The following NCOR2 variants were observed in gnomAD, a reference collection of about 807,000 sequenced individuals.
NCOR2 encodes CTG repeat protein 26.
A neutral mutation model predicts 262.9 loss-of-function variants in NCOR2; 81 were observed. That is an observed-to-expected ratio of 0.31 (90% CI 0.26 to 0.37). The LOEUF is 0.37. Among genes scored for constraint, NCOR2 ranks in the 10% least tolerant of loss-of-function variants. The probability of loss-of-function intolerance (pLI) is 1.00; values close to 1 mark genes in which losing one functional copy is unlikely to be tolerated. For synonymous variants in NCOR2, 1,659 were observed against 1,559.3 expected (o/e 1.06, Z -1.51); for missense variants, 3,385 against 3,621.4 (o/e 0.93, Z 1.68).
upstream of NCOR2, among the ~76,000 whole-genome samples, chr12:124,496,514 C>T (rs1407011813): frequency 1.3e-5 from 2 of 152,092 alleles, no homozygotes; most frequent in African/African-American, 2.4e-5. The surrounding 1 kb of genome is among the most constrained non-coding windows in gnomAD (Gnocchi z 4.4). Context: ...CTGCACCACA[C>T]GAGGTCAGGG....
intron 28 of NCOR2, among the ~76,000 whole-genome samples, chr12:124,349,394 C>T (rs1047750954): frequency 7.9e-5 from 12 of 152,186 alleles, no homozygotes; most frequent in African/African-American, 9.7e-5. Flanking sequence ...GCCCACGGCC[C>T]GTGAGCTACT....
chr12:124,456,830 G>A lies in NCOR2; in HGVS notation c.762+276C>T, dbSNP rs144767534. Among the ~76,000 whole-genome samples the A allele has an allele frequency of 4.9e-3, 752 of 152,310 alleles. 3 individuals carry two copies. Among genetic ancestry groups the A allele is most frequent in the African/African-American group, 0.016 (678 of 41,566 alleles). On this transcript the variant is annotated intron_variant, in intron 6 of 46. Transcript: ENST00000405201. The stretch of plus-strand genomic sequence containing the variant: ...GTGTGACTCTCCTCACAGCCCGAGC[G>A]GCCGGGCTTCACGGTATGCACAGGA...
At chr12:124,326,064 T>C in intron 46 of NCOR2, 127 bp downstream of exon 48, 2 of 1,092,856 alleles carry the variant, frequency 1.8e-6, no homozygotes, top group Non-Finnish European at 2.4e-6. Context: ...TGGACAGCGT[T>C]TCCACAGAAC....
intron 38 of NCOR2, 33 bp from the exon 41 acceptor site, chr12:124,335,665 C>T (rs373027052): frequency 4.2e-5 from 66 of 1,572,610 alleles, no homozygotes; most frequent in South Asian, 1.5e-4. Flanking sequence ...AGTCAGGCAC[C>T]GGGCCCAGGG....
At chr12:124,437,095 T>TAATAAATA (rs142026848) in intron 8 of NCOR2, among the ~76,000 whole-genome samples, 3,542 of 151,478 alleles carry the variant, frequency 0.023, 55 homozygotes, top group Middle Eastern at 0.048. Context: ...CAAAAATAAA[T>TAATAAATA]AATAAATAAA....
chr12:124,381,043 G>A (rs965768765), intron 17 of NCOR2, among the ~76,000 whole-genome samples: 7 of 152,100 alleles, frequency 4.6e-5, no homozygotes, highest in Non-Finnish European at 1.0e-4. Flanking sequence ...CAGCTGCTCT[G>A]CAAATCAGCG....
intron 4 of NCOR2, 65 bp downstream of exon 6, chr12:124,472,887 C>T (rs867231096): frequency 7.3e-5 from 116 of 1,598,644 alleles, no homozygotes; most frequent in Middle Eastern, 6.6e-4. Flanking sequence ...TCTGTGACAC[C>T]GCTGTCACTG....
chr12:124,362,316 AGTG>A lies in NCOR2; in HGVS notation c.2929-22_2929-20del. On this transcript the variant is annotated intron_variant, in intron 21 of 46. Coordinates refer to ENST00000405201, the Ensembl canonical transcript of NCOR2. Reference sequence around the variant, plus strand: ...TGACCTGCTGAGGGAAGCAGGCAGAAGTGAGCATTCACAGAGGGTGTCTGAAAG... The same window carrying A: ...TGACCTGCTGAGGGAAGCAGGCAGAAAGCATTCACAGAGGGTGTCTGAAAG... 7.5e-7 allele frequency: 1 copy of A among 1,335,948 alleles called. No individual in the cohort carries two copies. The highest frequency in any genetic ancestry group is 9.6e-7 in the Non-Finnish European group (1 of 1,043,856). The allele number at this position is 1,335,948 out of a possible 1,614,324, so 82.8% of individuals were successfully genotyped here.
chr12:124,560,588 C>T (rs560045758), intron 1 of NCOR2, among the ~76,000 whole-genome samples: 64 of 152,258 alleles, frequency 4.2e-4, no homozygotes, highest in African/African-American at 1.4e-3. Flanking sequence ...GTGACTATGA[C>T]GGCGAAAATC....
intron 7 of NCOR2, among the ~76,000 whole-genome samples, chr12:124,442,930 G>T (rs191229467): frequency 1.3e-5 from 2 of 152,322 alleles, no homozygotes; most frequent in African/African-American, 4.8e-5. Flanking sequence ...AACACCACAC[G>T]AATACAAAAG....
intron 1 of NCOR2, among the ~76,000 whole-genome samples, chr12:124,527,282 C>G (rs892001285): frequency 2.0e-5 from 3 of 152,220 alleles, no homozygotes; most frequent in Non-Finnish European, 2.9e-5. Context: ...GGGCAGATGA[C>G]TTGAGTGCAA....
intron 1 of NCOR2, among the ~76,000 whole-genome samples, chr12:124,521,653 T>C (rs1177134269): frequency 1.3e-5 from 2 of 152,172 alleles, no homozygotes; most frequent in Non-Finnish European, 2.9e-5. Flanking sequence ...TTTGGGGTGA[T>C]GAGGACATTT....
intron 5 of NCOR2, among the ~76,000 whole-genome samples, chr12:124,458,150 G>A (rs2045978631): frequency 6.6e-6 from 1 of 152,252 alleles, no homozygotes; most frequent in Non-Finnish European, 1.5e-5. Flanking sequence ...ACAGGCCGCA[G>A]AAGTCACCAT....
At chr12:124,424,690 C>T (rs1361118673) in intron 11 of NCOR2, among the ~76,000 whole-genome samples, 1 of 152,224 alleles carries the variant, frequency 6.6e-6, no homozygotes, top group Non-Finnish European at 1.5e-5. Flanking sequence ...CCCTTAGGTC[C>T]TGCCTGGCAC....
chr12:124,358,219 T>C (rs1052483665), intron 22 of NCOR2, among the ~76,000 whole-genome samples: 5 of 149,400 alleles, frequency 3.3e-5, no homozygotes, highest in African/African-American at 1.0e-4. Flanking sequence ...TGTGCATGTG[T>C]GTGTGAGTGC....
intron 24 of NCOR2, 195 bp from the exon 27 acceptor site, chr12:124,355,134 A>C (rs550847208): frequency 1.6e-6 from 1 of 616,510 alleles, no homozygotes; most frequent in African/African-American, 1.9e-5. Context: ...ATGCCCTCTG[A>C]GCCCCTTGCA....
intron 17 of NCOR2, among the ~76,000 whole-genome samples, chr12:124,384,698 C>G (rs1432867566): frequency 1.3e-5 from 2 of 152,192 alleles, no homozygotes; most frequent in Non-Finnish European, 2.9e-5. Flanking sequence ...TGCTCACCCT[C>G]TCTGGGCCTC....
intron 41 of NCOR2, 134 bp from the exon 44 acceptor site, chr12:124,333,413 G>C (rs925538206): frequency 1.3e-4 from 93 of 732,920 alleles, no homozygotes; most frequent in Non-Finnish European, 1.7e-4. Context: ...AGGCATTTTC[G>C]ACCACAAGTA....
At chr12:124,417,951 C>A (rs2042997315) in intron 13 of NCOR2, among the ~76,000 whole-genome samples, 1 of 151,524 alleles carries the variant, frequency 6.6e-6, no homozygotes, top group Non-Finnish European at 1.5e-5. Context: ...ATGCCGCCTA[C>A]TTGGGAGGCT....
Sources: allele counts gnomAD v4.1 joint callset (sites outside exome capture counted in the v4.1 genomes callset), GRCh38; gene constraint gnomAD v4.1.1; non-coding constraint Gnocchi (gnomAD v3.1); transcripts MANE v1.5; gene names NCBI Gene and HGNC (gene_info 2026-07-23, HGNC 2026-07-21).